The following MGAT4C variants were observed in gnomAD, a reference collection of about 807,000 sequenced individuals.
MGAT4C encodes alpha-1,3-mannosyl-glycoprotein 4-beta-N-acetylglucosaminyltransferase C.
Under a neutral mutation model 40.1 loss-of-function variants are expected in MGAT4C, and 19 were observed. The observed-to-expected ratio is 0.47, with a 90% confidence interval of 0.33 to 0.70. The LOEUF is 0.70. Ranked by LOEUF, MGAT4C falls within the 30% of genes least tolerant of loss-of-function variation. The probability of loss-of-function intolerance (pLI) is 0.02; values close to 1 mark genes in which losing one functional copy is unlikely to be tolerated. For synonymous variants in MGAT4C, 181 were observed against 187.1 expected (o/e 0.97, Z 0.27); for missense variants, 491 against 563.2 (o/e 0.87, Z 1.30).
intron 2 of MGAT4C, among the ~76,000 whole-genome samples, chr12:86,511,916 CTT>C (rs1375840629): frequency 6.6e-6 from 1 of 152,072 alleles, no homozygotes; most frequent in Non-Finnish European, 1.5e-5. Flanking sequence ...AACTAAAAAT[CTT>C]TTGCACCGCA....
At chr12:86,770,748 C>A (rs967801051) in intron 1 of MGAT4C, among the ~76,000 whole-genome samples, 9 of 151,948 alleles carry the variant, frequency 5.9e-5, no homozygotes, top group African/African-American at 2.2e-4. Flanking sequence ...TCTTAATCTT[C>A]CCTATTTGAA....
intron 2 of MGAT4C, among the ~76,000 whole-genome samples, chr12:86,612,067 A>T (rs1346630837): frequency 3.3e-5 from 5 of 152,160 alleles, no homozygotes; most frequent in African/African-American, 1.2e-4. Context: ...ATATAATTCA[A>T]ATTTTTGAGC....
chr12:86,061,814 G>T (rs1894002526), intron 1 of MGAT4C, among the ~76,000 whole-genome samples: 1 of 152,142 alleles, frequency 6.6e-6, no homozygotes, highest in Non-Finnish European at 1.5e-5. Context: ...TGTTCAGACT[G>T]CCTCTCTAGA....
intron 1 of MGAT4C, among the ~76,000 whole-genome samples, chr12:86,181,124 C>A (rs139571807): frequency 7.2e-5 from 11 of 152,188 alleles, no homozygotes; most frequent in South Asian, 4.1e-4. Flanking sequence ...TCAGGTGTTT[C>A]CACGTTTTCT....
chr12:86,314,357 C>T (rs1027699432), intron 4 of MGAT4C, among the ~76,000 whole-genome samples: 1 of 152,130 alleles, frequency 6.6e-6, no homozygotes. Context: ...GAGATCGAGA[C>T]CATCCTAGCC....
At chr12:86,810,706 A>T (rs1731442209) in intron 1 of MGAT4C, among the ~76,000 whole-genome samples, 1 of 151,288 alleles carries the variant, frequency 6.6e-6, no homozygotes, top group Non-Finnish European at 1.5e-5. Flanking sequence ...AATTATTTTC[A>T]TATATATTGT....
At chr12:86,703,866 A>C (rs758534816) in intron 2 of MGAT4C, among the ~76,000 whole-genome samples, 3 of 152,128 alleles carry the variant, frequency 2.0e-5, no homozygotes, top group Non-Finnish European at 4.4e-5. Flanking sequence ...AAAAGGGCTT[A>C]AATATTCGGA....
At chr12:86,678,892 G>A (rs1369533049) in intron 2 of MGAT4C, among the ~76,000 whole-genome samples, 7 of 152,108 alleles carry the variant, frequency 4.6e-5, no homozygotes, top group African/African-American at 9.6e-5. Flanking sequence ...GTAAACATAC[G>A]TGTGCATGTG....
At chr12:86,540,708 C>T (rs1309780648) in intron 2 of MGAT4C, among the ~76,000 whole-genome samples, 1 of 151,702 alleles carries the variant, frequency 6.6e-6, no homozygotes, top group Non-Finnish European at 1.5e-5. Flanking sequence ...TGCACTCCAG[C>T]CTGAGTGACA....
chr12:86,735,816 G>A (rs1458533330), intron 1 of MGAT4C, among the ~76,000 whole-genome samples: 1 of 151,772 alleles, frequency 6.6e-6, no homozygotes, highest in Non-Finnish European at 1.5e-5. Context: ...TCAGTTATTA[G>A]CAAAATCGAC....
rs2136181094 is a variant in MGAT4C at position 86,779,956 on chromosome 12, T to C, written c.-261-52715A>G. Among the ~76,000 whole-genome samples the C allele has an allele frequency of 2.0e-5, 3 of 151,614 alleles. No homozygotes were observed. The South Asian group carries it at 6.2e-4, about 32-fold the overall frequency. The stretch of plus-strand genomic sequence containing the variant: ...TAATAATATTATAAAAATAAAAAGA[T>C]ACACTTGTAATAAATAGTAATATCT... On this transcript the variant is annotated intron_variant, in intron 1 of 7. Coordinates refer to the MGAT4C transcript ENST00000548651.
intron 2 of MGAT4C, among the ~76,000 whole-genome samples, chr12:86,018,858 T>G (rs1889361229): frequency 6.6e-6 from 1 of 152,104 alleles, no homozygotes; most frequent in Non-Finnish European, 1.5e-5. Flanking sequence ...TGTGTGGCAT[T>G]GACAGGATTG....
intron 2 of MGAT4C, among the ~76,000 whole-genome samples, chr12:86,025,228 G>C (rs1890141969): frequency 6.6e-6 from 1 of 151,148 alleles, no homozygotes; most frequent in African/African-American, 2.4e-5. Flanking sequence ...TATGGTTTGA[G>C]AGCATAATAA....
intron 2 of MGAT4C, chr12:86,013,714 A>T (rs1326140396): frequency 1.0e-6 from 1 of 984,976 alleles, no homozygotes; most frequent in Non-Finnish European, 1.2e-6. Context: ...AACCACCAAC[A>T]AAAAGAACAT....
At chr12:86,242,907 G>C (rs948698442) in intron 1 of MGAT4C, among the ~76,000 whole-genome samples, 1 of 152,100 alleles carries the variant, frequency 6.6e-6, no homozygotes, top group Non-Finnish European at 1.5e-5. Context: ...GCTACTAACA[G>C]AGCCCAGGAA....
rs548412726 is a variant in MGAT4C, at chr12:86,427,878, A to G, written c.-120+7279T>C. Among the ~76,000 whole-genome samples the G allele has an allele frequency of 3.3e-5, 5 of 152,076 alleles. No homozygotes were observed. The East Asian group carries it at 5.9e-4, about 18-fold the overall frequency. ...TACTAAAAATACACAAAATTAGCTC[A>G]GCTTGGTGGCAGGTGCCTGTAGTTC... is the stretch of plus-strand genomic sequence containing the variant. On this transcript the variant is annotated intron_variant, in intron 3 of 7. Coordinates refer to the MGAT4C transcript ENST00000548651.
intron 1 of MGAT4C, among the ~76,000 whole-genome samples, chr12:86,809,980 G>C (rs1188478900): frequency 6.6e-6 from 1 of 151,978 alleles, no homozygotes; most frequent in African/African-American, 2.4e-5. Flanking sequence ...GTACTATATT[G>C]ATTCCAATTC....
chr12:86,204,759 C>T (rs1011622652), intron 1 of MGAT4C, among the ~76,000 whole-genome samples: 1 of 151,978 alleles, frequency 6.6e-6, no homozygotes, highest in African/African-American at 2.4e-5. Context: ...ATGTTTCTAC[C>T]ATTTGCTTTG....
At chr12:86,153,695 T>A (rs1884579046) in intron 1 of MGAT4C, among the ~76,000 whole-genome samples, 1 of 152,122 alleles carries the variant, frequency 6.6e-6, no homozygotes, top group Non-Finnish European at 1.5e-5. Context: ...AAATAACACT[T>A]TTTCCTGTGC....
Sources: gnomAD v4.1 joint callset for allele counts (sites outside exome capture counted in the v4.1 genomes callset) on GRCh38, gnomAD v4.1.1 for gene constraint, MANE v1.5 for transcripts, NCBI Gene and HGNC (gene_info 2026-07-23, HGNC 2026-07-21) for gene names.